TXNRD1: variants seen among roughly 807,000 people sequenced by gnomAD.
TXNRD1 encodes thioredoxin reductase 1, cytoplasmic.
TXNRD1 carries 57 observed loss-of-function variants against 80.3 expected under a neutral mutation model. That is an observed-to-expected ratio of 0.71 (90% CI 0.57 to 0.89). TXNRD1 has a LOEUF of 0.89. TXNRD1 is among the 40% of genes least tolerant of loss of function. The pLI, the probability that TXNRD1 is intolerant of heterozygous loss-of-function variation, is 0.00. For missense variants in TXNRD1, 730 were observed against 803.0 expected (o/e 0.91, Z 1.10); for synonymous variants, 291 against 285.2 (o/e 1.02, Z -0.20).
intron 10 of TXNRD1, among the ~76,000 whole-genome samples, chr12:104,323,315 T>TGG (rs1211209263): frequency 1.3e-5 from 2 of 150,802 alleles, no homozygotes; most frequent in Non-Finnish European, 3.0e-5. Context: ...AATGAGCTGT[T>TGG]GGGCACACCT....
At chr12:104,313,433 C>G (rs2035210189) in intron 6 of TXNRD1, 116 bp downstream of exon 6, 1 of 735,642 alleles carries the variant, frequency 1.4e-6, no homozygotes, top group African/African-American at 1.8e-5. Context: ...AAAGAAAAAA[C>G]AGCCCCAAAA....
chr12:104,330,219 T>G (rs190688949), intron 13 of TXNRD1, among the ~76,000 whole-genome samples: 1 of 152,372 alleles, frequency 6.6e-6, no homozygotes, highest in East Asian at 1.9e-4. Context: ...GTACTTCTCT[T>G]ATTTTAAATG....
At chr12:104,254,732 GC>G (rs1286123010) in intron 2 of TXNRD1, among the ~76,000 whole-genome samples, 1 of 149,520 alleles carries the variant, frequency 6.7e-6, no homozygotes, top group Non-Finnish European at 1.5e-5. Context: ...GATCACTTGA[GC>G]CCAGGAGTTA....
intron 3 of TXNRD1, among the ~76,000 whole-genome samples, chr12:104,271,778 T>G (rs888307758): frequency 6.6e-6 from 1 of 151,642 alleles, no homozygotes; most frequent in Non-Finnish European, 1.5e-5. Context: ...TAGCTTGGGC[T>G]CAGAGGCCTG....
Position 104,327,581 on chromosome 12 carries a change from T to C in TXNRD1, c.1452T>C (p.Asp484=). ...TNVPYIYAIG[D]ILEDKVELTP... is the part of the protein sequence containing the mutation. The stretch of plus-strand genomic sequence containing the variant: ...TGCCTTACATCTATGCCATTGGCGA[T>C]ATATTGGAGGATAAGGTGGAGCTCA... The change falls in exon 13 of 17, where the codon GAT becomes GAC. Residue 484 remains aspartate, a synonymous_variant. Transcript: ENST00000525566. The C allele has an allele frequency of 1.2e-6, 2 of 1,613,592 alleles. No homozygotes were observed. Among genetic ancestry groups the C allele is most frequent in the Non-Finnish European group, 1.7e-6 (2 of 1,179,816 alleles).
chr12:104,240,505 A>G (rs1424931778), intron 1 of TXNRD1, among the ~76,000 whole-genome samples: 3 of 152,246 alleles, frequency 2.0e-5, no homozygotes, highest in Non-Finnish European at 2.9e-5. Context: ...TTTTCTGTAT[A>G]TATGTATAAA....
chr12:104,267,241 CTCTTTCTTTCTT>C (rs58393490), intron 3 of TXNRD1, among the ~76,000 whole-genome samples: 2 of 85,796 alleles, frequency 2.3e-5, no homozygotes, highest in South Asian at 4.7e-4. Context: ...ATTTTCTTTT[CTCTTTCTTTCTT>C]TCTTTCTTTC....
intron 3 of TXNRD1, among the ~76,000 whole-genome samples, chr12:104,258,715 CA>C (rs1274569067): frequency 6.6e-6 from 1 of 152,056 alleles, no homozygotes; most frequent in Non-Finnish European, 1.5e-5. Flanking sequence ...CGCTTGAGGC[CA>C]GGAGTTTGAG....
chr12:104,231,773 A>G (rs2032629440), intron 1 of TXNRD1, among the ~76,000 whole-genome samples: 1 of 152,212 alleles, frequency 6.6e-6, no homozygotes, highest in African/African-American at 2.4e-5. Flanking sequence ...AATTTGCAGG[A>G]TAATTGCTCA....
intron 1 of TXNRD1, among the ~76,000 whole-genome samples, chr12:104,246,429 A>G (rs1217257624): frequency 1.3e-5 from 2 of 150,384 alleles, no homozygotes; most frequent in Non-Finnish European, 3.0e-5. Flanking sequence ...CTCCATCTCA[A>G]AAAAACAAAA....
At chr12:104,335,991 G>T (rs2036125611) in intron 15 of TXNRD1, among the ~76,000 whole-genome samples, 1 of 152,134 alleles carries the variant, frequency 6.6e-6, no homozygotes, top group African/African-American at 2.4e-5. Flanking sequence ...AATAACAATT[G>T]TATATATAGT....
intron 3 of TXNRD1, among the ~76,000 whole-genome samples, chr12:104,267,942 C>A (rs1205938986): frequency 6.6e-6 from 1 of 150,838 alleles, no homozygotes; most frequent in South Asian, 2.1e-4. Context: ...CTCCATCTCC[C>A]GGGTTCAAAC....
At chr12:104,220,947 T>G (rs2032340754) in intron 1 of TXNRD1, among the ~76,000 whole-genome samples, 1 of 152,210 alleles carries the variant, frequency 6.6e-6, no homozygotes, top group African/African-American at 2.4e-5. Flanking sequence ...TATAAATGAC[T>G]ATCACAAATC....
At chr12:104,310,875 A>G (rs757836327) in intron 4 of TXNRD1, among the ~76,000 whole-genome samples, 4 of 152,254 alleles carry the variant, frequency 2.6e-5, no homozygotes, top group Non-Finnish European at 5.9e-5. Flanking sequence ...GCCAAACAGT[A>G]TAGAAATGTC....
intron 1 of TXNRD1, among the ~76,000 whole-genome samples, chr12:104,247,406 C>G (rs1375250535): frequency 6.6e-6 from 1 of 152,124 alleles, no homozygotes; most frequent in Non-Finnish European, 1.5e-5. Context: ...CTGCCTGGTT[C>G]TGTGCTGTTC....
intron 1 of TXNRD1, among the ~76,000 whole-genome samples, chr12:104,218,831 C>T (rs1428025557): frequency 6.6e-6 from 1 of 152,114 alleles, no homozygotes; most frequent in Non-Finnish European, 1.5e-5. Flanking sequence ...TGGTCTCAAA[C>T]TTCTGGGCTC....
intron 4 of TXNRD1, among the ~76,000 whole-genome samples, chr12:104,295,727 C>G (rs1409683833): frequency 6.6e-6 from 1 of 152,174 alleles, no homozygotes; most frequent in Non-Finnish European, 1.5e-5. Flanking sequence ...TTTTCCATTC[C>G]TTTCCTCCTC....
At chr12:104,333,437 T>C (rs1244612738) in intron 14 of TXNRD1, among the ~76,000 whole-genome samples, 1 of 151,858 alleles carries the variant, frequency 6.6e-6, no homozygotes, top group Non-Finnish European at 1.5e-5. Flanking sequence ...TAACAGCAAT[T>C]GTTAGCAATT....
intron 8 of TXNRD1, among the ~76,000 whole-genome samples, 200 bp downstream of exon 8, chr12:104,319,255 C>T (rs1034864071): frequency 7.2e-5 from 11 of 152,058 alleles, no homozygotes; most frequent in Admixed American, 2.0e-4. Flanking sequence ...TGGACCAGAC[C>T]GCCTGGTTTT....
Sources: gnomAD v4.1 joint callset for allele counts (sites outside exome capture counted in the v4.1 genomes callset) on GRCh38, gnomAD v4.1.1 for gene constraint, MANE v1.5 for transcripts, NCBI Gene and HGNC (gene_info 2026-07-23, HGNC 2026-07-21) for gene names.